CRY1: variants seen among roughly 807,000 people sequenced by gnomAD.
The protein encoded by CRY1 is cryptochrome-1.
Under a neutral mutation model 76.0 loss-of-function variants are expected in CRY1, and 45 were observed. That is an observed-to-expected ratio of 0.59 (90% CI 0.47 to 0.76). The LOEUF is 0.76. CRY1 is among the 30% of genes least tolerant of loss of function. The pLI is 0.00. For missense variants in CRY1, 587 were observed against 716.4 expected (o/e 0.82, Z 2.06); for synonymous variants, 248 against 244.0 (o/e 1.02, Z -0.15).
chr12:107,022,350 A>AT (rs1003578900), intron 1 of CRY1, among the ~76,000 whole-genome samples, 158 bp from the exon 2 acceptor site: 1 of 152,090 alleles, frequency 6.6e-6, no homozygotes, highest in African/African-American at 2.4e-5. Context: ...ACTAATATAT[A>AT]TTTTTTAATT....
intron 1 of CRY1, among the ~76,000 whole-genome samples, chr12:107,022,765 T>G (rs1048650228): frequency 6.6e-6 from 1 of 150,998 alleles, no homozygotes; most frequent in Non-Finnish European, 1.5e-5. Flanking sequence ...TTCTAATTTA[T>G]TAAAAAAAGA....
intron 1 of CRY1, among the ~76,000 whole-genome samples, chr12:107,058,396 A>C (rs959457345): frequency 4.6e-5 from 7 of 152,128 alleles, no homozygotes; most frequent in Non-Finnish European, 1.0e-4. Flanking sequence ...GAGTAACAGA[A>C]CACCACAGAC....
rs763941947 is a variant in CRY1, at chr12:107,060,373, T to TC, written c.158+32430_158+32431insG. On this transcript the variant is annotated intron_variant, in intron 1 of 12. Transcript: ENST00000008527. The stretch of plus-strand genomic sequence containing the variant: ...TCAGCCTCCTATTGCTCTCTCTCTC[T>TC]TGTCCTCTCTTTGCTCTTCTGCCAT... Among the ~76,000 whole-genome samples, 392 of 152,220 alleles carry TC rather than the reference T, an allele frequency of 2.6e-3. 2 individuals carry two copies. The highest frequency in any genetic ancestry group is 4.5e-3 in the Non-Finnish European group (303 of 67,992).
chr12:107,032,826 T>C (rs143123401), intron 1 of CRY1, among the ~76,000 whole-genome samples: 3 of 152,210 alleles, frequency 2.0e-5, no homozygotes, highest in Non-Finnish European at 4.4e-5. Flanking sequence ...ATCATTTATA[T>C]GTTTTGAAAT....
At chr12:107,021,291 G>GA (rs906908261) in intron 2 of CRY1, among the ~76,000 whole-genome samples, 15 of 150,494 alleles carry the variant, frequency 1.0e-4, no homozygotes, top group African/African-American at 3.4e-4. Context: ...CTCAAAAAAA[G>GA]AAAAAAAAAA....
intron 1 of CRY1, among the ~76,000 whole-genome samples, chr12:107,082,281 A>G (rs1413614526): frequency 6.6e-6 from 1 of 152,084 alleles, no homozygotes; most frequent in Admixed American, 6.6e-5. Flanking sequence ...TGTCAATATT[A>G]GATCAATGAG....
Position 107,022,110 on chromosome 12 carries a change from C to A in CRY1, c.241G>T (p.Ala81Ser), listed in dbSNP as rs1952565383. 1.2e-6 allele frequency: 2 copies of A among 1,604,792 alleles called. No homozygotes were observed. Among genetic ancestry groups the A allele is most frequent in the Non-Finnish European group, 1.7e-6 (2 of 1,175,312 alleles). The change falls in exon 2 of 13, where the codon GCA (alanine) becomes TCA (serine). Residue 81 changes from alanine (A) to serine (S), a missense_variant. Physicochemically the swap from Ala to Ser is moderately conservative, Grantham distance 99 (BLOSUM62 1). Transcript: ENST00000008527. ...TTGAAAAGCCTGGGAAACACATCTG[C>A]TGGTTGTCCACGAATCACAAACAGA... ...SRLFVIRGQP[A>S]DVFPRLFKEW... is the part of the protein sequence containing the mutation.
intron 1 of CRY1, among the ~76,000 whole-genome samples, chr12:107,090,153 G>A (rs912160581): frequency 6.6e-6 from 1 of 151,144 alleles, no homozygotes; most frequent in Non-Finnish European, 1.5e-5. Flanking sequence ...GCAGTGGCAC[G>A]ATCTCGCCTC....
rs3809235 is a variant in CRY1 at position 107,093,291 on chromosome 12, C to T, written c.-330G>A. Reference sequence around the variant, plus strand: ...CCTGAGCAAGTTCCAGGAGCTCGAGCCGCCACGACGGCCCGAGCCGGCACG... The same window carrying T: ...CCTGAGCAAGTTCCAGGAGCTCGAGTCGCCACGACGGCCCGAGCCGGCACG... On this transcript the variant is annotated 5_prime_UTR_variant, in exon 1 of 13. Coordinates refer to ENST00000008527, the MANE Select transcript of CRY1 (RefSeq NM_004075.5). 134,876 of 260,014 alleles carry T rather than the reference C, an allele frequency of 0.52. 37,307 individuals are homozygous for T. The highest frequency in any genetic ancestry group is 0.74 in the East Asian group (10,224 of 13,866). The allele number at this position is 260,014 out of a possible 1,614,324, so 16.1% of individuals were successfully genotyped here.
chr12:107,035,493 C>T (rs1471098519), intron 1 of CRY1, among the ~76,000 whole-genome samples: 1 of 152,208 alleles, frequency 6.6e-6, no homozygotes, highest in Admixed American at 6.5e-5. Flanking sequence ...GTGTATAAGA[C>T]ACTGCTCTAA....
chr12:107,017,570 T>A (rs1952510705), intron 2 of CRY1, among the ~76,000 whole-genome samples: 1 of 152,160 alleles, frequency 6.6e-6, no homozygotes, highest in Non-Finnish European at 1.5e-5. Context: ...CCTCCCAAAG[T>A]TAGATATTCT....
intron 2 of CRY1, among the ~76,000 whole-genome samples, chr12:107,015,079 T>C (rs1235470449): frequency 6.6e-6 from 1 of 152,112 alleles, no homozygotes; most frequent in East Asian, 1.9e-4. Context: ...GGTTTCACCA[T>C]GTTGGTCAGG....
chr12:107,012,962 C>A (rs1028887521), intron 2 of CRY1, among the ~76,000 whole-genome samples: 3 of 152,168 alleles, frequency 2.0e-5, no homozygotes, highest in African/African-American at 4.8e-5. Flanking sequence ...GGATGAGGAG[C>A]CGCTTTCTAT....
intron 1 of CRY1, among the ~76,000 whole-genome samples, chr12:107,077,994 A>C (rs1953278973): frequency 6.6e-6 from 1 of 152,216 alleles, no homozygotes; most frequent in Non-Finnish European, 1.5e-5. Flanking sequence ...ACATGAAATG[A>C]AGATCTGGCA....
intron 1 of CRY1, among the ~76,000 whole-genome samples, chr12:107,032,529 C>CACACAT (rs398020966): frequency 6.6e-6 from 1 of 151,860 alleles, no homozygotes; most frequent in Non-Finnish European, 1.5e-5. Context: ...CACACACACA[C>CACACAT]GTCACAAATC....
At chr12:107,008,761 GAGGT>G (rs1208045516) in intron 2 of CRY1, among the ~76,000 whole-genome samples, 1 of 152,154 alleles carries the variant, frequency 6.6e-6, no homozygotes, top group Non-Finnish European at 1.5e-5. Flanking sequence ...GACCCAGTGG[GAGGT>G]AACTGAATCA....
intron 1 of CRY1, among the ~76,000 whole-genome samples, chr12:107,026,527 C>A (rs1952617777): frequency 1.3e-5 from 2 of 152,154 alleles, no homozygotes. Flanking sequence ...AGCCATCAGG[C>A]CTGGCCCTAA....
At chr12:107,003,752 T>C (rs1191460917) in intron 3 of CRY1, among the ~76,000 whole-genome samples, 1 of 152,162 alleles carries the variant, frequency 6.6e-6, no homozygotes, top group Non-Finnish European at 1.5e-5. Flanking sequence ...ATGTTACATT[T>C]TAATATGATA....
intron 10 of CRY1, among the ~76,000 whole-genome samples, chr12:106,995,451 CTGTT>C (rs1009721965): frequency 6.6e-6 from 1 of 151,994 alleles, no homozygotes; most frequent in African/African-American, 2.4e-5. Context: ...TGTTTTTATC[CTGTT>C]TTTTTTATTT....
Sources: gnomAD v4.1 joint callset for allele counts (sites outside exome capture counted in the v4.1 genomes callset) on GRCh38, gnomAD v4.1.1 for gene constraint, MANE v1.5 for transcripts, NCBI Gene and HGNC (gene_info 2026-07-23, HGNC 2026-07-21) for gene names.